Variants in DNAAF19 observed in about 807,000 individuals in gnomAD.
DNAAF19 encodes the protein dynein axonemal assembly factor 19, also known as coiled-coil domain containing 103.
the DNAAF19 span, chr17:44,904,871 C>T: frequency 6.4e-7 from 1 of 1,550,540 alleles, no homozygotes; most frequent in Non-Finnish European, 8.7e-7. Flanking sequence ...TTGCTGGAGG[C>T]AGGGTGTGCT....
the DNAAF19 span, chr17:44,904,323 A>C: frequency 6.5e-7 from 1 of 1,543,654 alleles, no homozygotes. Flanking sequence ...TACTATGGGC[A>C]CCTCCATGTC....
chr17:44,901,449 A>G, the DNAAF19 span: 5 of 1,562,988 alleles, frequency 3.2e-6, no homozygotes, highest in Non-Finnish European at 4.4e-6. Context: ...TATACCATGC[A>G]AAGTCTAGCT....
chr17:44,904,248 T>A, the DNAAF19 span: 3 of 1,550,388 alleles, frequency 1.9e-6, no homozygotes, highest in Non-Finnish European at 2.6e-6. Flanking sequence ...GATGTGGACA[T>A]CCAGAACAGT....
chr17:44,901,740 G>GT, the DNAAF19 span: 30 of 1,483,502 alleles, frequency 2.0e-5, no homozygotes, highest in South Asian at 2.5e-5. Context: ...GTTTTGTTTT[G>GT]TTTTTTTAAC....
At chr17:44,903,021 G>T in the DNAAF19 span, 1 of 1,414,462 alleles carries the variant, frequency 7.1e-7, no homozygotes, top group South Asian at 1.6e-5. Context: ...GTGTATCCAT[G>T]GACAGTCAAG....
the DNAAF19 span, chr17:44,902,731 G>A: frequency 1.2e-6 from 2 of 1,612,102 alleles, no homozygotes; most frequent in Non-Finnish European, 1.7e-6. Flanking sequence ...CAGCTGGGAG[G>A]AGCAGGGTCT....
chr17:44,903,282 C>A, the DNAAF19 span: 40 of 1,247,494 alleles, frequency 3.2e-5, no homozygotes, highest in Non-Finnish European at 2.0e-6. Context: ...AATACTACAT[C>A]ATTTGAGGTG....
chr17:44,901,394 CTGT>C, the DNAAF19 span: 253 of 1,194,170 alleles, frequency 2.1e-4, no homozygotes, highest in Middle Eastern at 5.9e-4. Flanking sequence ...TCAGCTATCG[CTGT>C]TGTTATTATT....
the DNAAF19 span, chr17:44,901,656 G>A: frequency 2.5e-6 from 4 of 1,613,896 alleles, no homozygotes; most frequent in African/African-American, 5.3e-5. Context: ...CTCCCCGGTA[G>A]GTGAGGCCCT....
chr17:44,899,952 T>G, the DNAAF19 span: 1 of 152,262 alleles, frequency 6.6e-6, no homozygotes, highest in Non-Finnish European at 1.5e-5. Flanking sequence ...GGCGTTCAGA[T>G]TCCCTACGTT....
At chr17:44,901,120 T>C in the DNAAF19 span, 1 of 1,608,528 alleles carries the variant, frequency 6.2e-7, no homozygotes, top group South Asian at 1.1e-5. Context: ...GAACAGAGGG[T>C]GGCTTCCTAT....
At chr17:44,903,689 C>G in the DNAAF19 span, 26 of 1,437,660 alleles carry the variant, frequency 1.8e-5, no homozygotes, top group Middle Eastern at 2.6e-4. Flanking sequence ...GCGGCTTCCT[C>G]TGCAGATTGT....
At chr17:44,904,942 T>C in the DNAAF19 span, 6 of 1,550,542 alleles carry the variant, frequency 3.9e-6, no homozygotes, top group African/African-American at 5.5e-5. Flanking sequence ...CGTTCTCAGA[T>C]CCTGAGACTC....
chr17:44,904,986 T>C, the DNAAF19 span: 79 of 1,550,724 alleles, frequency 5.1e-5, no homozygotes, highest in Non-Finnish European at 6.9e-5. Context: ...ATAGGCTACC[T>C]GCTCATCACA....
At chr17:44,901,301 A>G in the DNAAF19 span, among the ~76,000 whole-genome samples, 1 of 152,262 alleles carries the variant, frequency 6.6e-6, no homozygotes, top group Admixed American at 6.5e-5. Flanking sequence ...ATTTATCTGT[A>G]GAACAGTAAC....
chr17:44,904,300 C>G, the DNAAF19 span: 1 of 1,547,734 alleles, frequency 6.5e-7, no homozygotes, highest in East Asian at 2.4e-5. Flanking sequence ...GCCAGGAGCC[C>G]TTTGCAGATG....
chr17:44,901,019 C>T, the DNAAF19 span: 2 of 1,604,240 alleles, frequency 1.2e-6, no homozygotes, highest in African/African-American at 2.7e-5. Context: ...ATGACATCAT[C>T]AACTTCAAGG....
chr17:44,901,793 A>G, the DNAAF19 span: 31 of 1,009,218 alleles, frequency 3.1e-5, no homozygotes, highest in East Asian at 5.3e-5. Flanking sequence ...ACCAACAGAG[A>G]TAGGTTTCTG....
At chr17:44,900,502 G>C in the DNAAF19 span, among the ~76,000 whole-genome samples, 6 of 152,012 alleles carry the variant, frequency 3.9e-5, no homozygotes, top group South Asian at 1.2e-3. Context: ...ATTGCATCTG[G>C]TTTGGGTGAA....
Sources: allele counts gnomAD v4.1 joint callset (sites outside exome capture counted in the v4.1 genomes callset), GRCh38; gene constraint gnomAD v4.1.1; transcripts MANE v1.5; gene names NCBI Gene and HGNC (gene_info 2026-07-23, HGNC 2026-07-21).